The following MSH4 variants were observed in gnomAD, a reference collection of about 807,000 sequenced individuals.
The protein encoded by MSH4 is mutS protein homolog 4.
MSH4 carries 106 observed loss-of-function variants against 113.7 expected under a neutral mutation model. The observed-to-expected ratio is 0.93, with a 90% CI of 0.80 to 1.10. MSH4 has a LOEUF of 1.10. Ranked by LOEUF, MSH4 falls within the 50% of genes least tolerant of loss-of-function variation. The pLI is 0.00. For missense variants in MSH4, 1,061 were observed against 1,093.7 expected, an observed-to-expected ratio of 0.97 and a Z score of 0.42; for synonymous variants, 368 against 380.2, an observed-to-expected ratio of 0.97 and a Z score of 0.37.
At chr1:75,877,588 A>ATT (rs1207298664) in intron 10 of MSH4, among the ~76,000 whole-genome samples, 1 of 152,178 alleles carries the variant, frequency 6.6e-6, no homozygotes, top group Admixed American at 6.5e-5. Context: ...AAAATATAGA[A>ATT]TGGAATGAAG....
intron 7 of MSH4, among the ~76,000 whole-genome samples, chr1:75,847,647 A>G (rs1217499059): frequency 2.0e-5 from 3 of 152,296 alleles, no homozygotes; most frequent in Admixed American, 2.0e-4. Flanking sequence ...GCCTCTGGTC[A>G]GGGCTTTCAT....
rs549175609 is a variant in MSH4 at position 75,797,231 on chromosome 1, C to T, written c.244+2C>T. ...CGCCAAACTCCCGGCCAGCTCAAGGCAAGGAGTGATTGGGTGGAGGAGTCT... is the reference window on the plus strand; with the variant it reads ...CGCCAAACTCCCGGCCAGCTCAAGGTAAGGAGTGATTGGGTGGAGGAGTCT... On this transcript the variant is annotated splice_donor_variant, in intron 1 of 19. Coordinates refer to ENST00000263187, the MANE Select transcript of MSH4 (RefSeq NM_002440.4). LOFTEE classifies it low-confidence loss of function (GC_TO_GT_DONOR). 1.2e-6 allele frequency: 2 copies of T among 1,602,534 alleles called. No homozygotes were observed. The highest frequency in any genetic ancestry group is 1.7e-6 in the Non-Finnish European group (2 of 1,175,102).
intron 1 of MSH4, among the ~76,000 whole-genome samples, chr1:75,803,059 A>G (rs1429116781): frequency 6.6e-6 from 1 of 152,092 alleles, no homozygotes; most frequent in Non-Finnish European, 1.5e-5. Flanking sequence ...ATCACCTCTT[A>G]AAGGCCCCAC....
chr1:75,847,991 G>T (rs1651109608), intron 7 of MSH4, among the ~76,000 whole-genome samples: 1 of 152,132 alleles, frequency 6.6e-6, no homozygotes, highest in African/African-American at 2.4e-5. Flanking sequence ...ATGGTTAGCA[G>T]CATTAAATTT....
intron 9 of MSH4, among the ~76,000 whole-genome samples, chr1:75,867,964 A>T (rs1651624994): frequency 6.6e-6 from 1 of 152,064 alleles, no homozygotes; most frequent in African/African-American, 2.4e-5. Context: ...AATGTTCTTT[A>T]TAGCATTTTT....
chr1:75,827,070 T>G (rs1436141508), intron 7 of MSH4, among the ~76,000 whole-genome samples: 1 of 151,840 alleles, frequency 6.6e-6, no homozygotes. Context: ...AAGGAAAAAA[T>G]GTTAAGGGAA....
chr1:75,869,948 A>T (rs967847497), intron 9 of MSH4, among the ~76,000 whole-genome samples: 17 of 152,216 alleles, frequency 1.1e-4, no homozygotes, highest in African/African-American at 4.1e-4. Context: ...GACAGATTGC[A>T]CCATGCACCT....
At chr1:75,857,874 G>A (rs757449548) in intron 8 of MSH4, among the ~76,000 whole-genome samples, 1 of 152,080 alleles carries the variant, frequency 6.6e-6, no homozygotes, top group African/African-American at 2.4e-5. Flanking sequence ...CTTTTTTCAC[G>A]ATATTGATTC....
intron 1 of MSH4, among the ~76,000 whole-genome samples, chr1:75,799,570 G>C (rs1407490115): frequency 2.0e-5 from 3 of 152,212 alleles, no homozygotes. Context: ...GAAGAAGAAT[G>C]CCAGCCAAAG....
chr1:75,820,008 G>A (rs143231183), intron 6 of MSH4, among the ~76,000 whole-genome samples: 198 of 152,166 alleles, frequency 1.3e-3, no homozygotes, highest in African/African-American at 4.7e-3. Context: ...GCGCCACCTT[G>A]ACTGACCAGC....
At chr1:75,870,609 T>C (rs1004762806) in intron 9 of MSH4, among the ~76,000 whole-genome samples, 7 of 151,832 alleles carry the variant, frequency 4.6e-5, no homozygotes, top group African/African-American at 1.7e-4. Flanking sequence ...TAAAGGGGAG[T>C]TCCCCTGCAC....
intron 7 of MSH4, among the ~76,000 whole-genome samples, chr1:75,844,928 T>C (rs1651043713): frequency 6.6e-6 from 1 of 152,224 alleles, no homozygotes; most frequent in Non-Finnish European, 1.5e-5. Context: ...GCCTTCTTGA[T>C]GCATCATCCC....
intron 8 of MSH4, 70 bp downstream of exon 8, chr1:75,848,346 T>C: frequency 9.1e-7 from 1 of 1,095,712 alleles, no homozygotes; most frequent in South Asian, 1.4e-5. Context: ...TAATGTAATG[T>C]AACAATTGGA....
At chr1:75,876,447 C>G (rs1226645919) in intron 9 of MSH4, among the ~76,000 whole-genome samples, 1 of 152,016 alleles carries the variant, frequency 6.6e-6, no homozygotes, top group Non-Finnish European at 1.5e-5. Flanking sequence ...GCTTTCTCTT[C>G]TTCTTTTCTG....
intron 8 of MSH4, among the ~76,000 whole-genome samples, chr1:75,853,261 C>A (rs1557510193): frequency 6.6e-6 from 1 of 152,096 alleles, no homozygotes; most frequent in Non-Finnish European, 1.5e-5. Context: ...AACGGGGTTT[C>A]ACCATGTTGG....
intron 9 of MSH4, 38 bp from the exon 10 acceptor site, chr1:75,876,897 AT>A: frequency 8.5e-7 from 1 of 1,177,506 alleles, no homozygotes; most frequent in African/African-American, 1.6e-5. Flanking sequence ...TGATCTTGTA[AT>A]TGATTATCCT....
At chr1:75,907,235 T>G (rs1652678939) in intron 19 of MSH4, among the ~76,000 whole-genome samples, 1 of 152,108 alleles carries the variant, frequency 6.6e-6, no homozygotes, top group South Asian at 2.1e-4. Flanking sequence ...TAGAAAAGAC[T>G]TTTTCTCTCC....
chr1:75,876,839 C>A, intron 9 of MSH4, 97 bp from the exon 10 acceptor site: 1 of 560,780 alleles, frequency 1.8e-6, no homozygotes, highest in Non-Finnish European at 2.9e-6. Context: ...GAAGAAAGCA[C>A]TTGGTAAACT....
intron 2 of MSH4, among the ~76,000 whole-genome samples, chr1:75,804,311 T>C (rs1570938577): frequency 1.3e-5 from 2 of 152,232 alleles, no homozygotes; most frequent in East Asian, 3.9e-4. Context: ...TAGGTTTTCA[T>C]GTATAACAGT....
Sources: gnomAD v4.1 joint callset for allele counts (sites outside exome capture counted in the v4.1 genomes callset) on GRCh38, gnomAD v4.1.1 for gene constraint, MANE v1.5 for transcripts, NCBI Gene and HGNC (gene_info 2026-07-23, HGNC 2026-07-21) for gene names.